Variants in PGCKA1 observed in about 807,000 individuals in gnomAD.
PGCKA1 encodes the protein PDCD10 and GCKIII kinases associated 1, also known as PDCD10 and GCKIII kinases-associated protein 1.
At chr4:37,503,306 C>G in the PGCKA1 span, among the ~76,000 whole-genome samples, 1 of 152,200 alleles carries the variant, frequency 6.6e-6, no homozygotes, top group Admixed American at 6.5e-5. Context: ...CTTCCTCCCA[C>G]CTCAGCTTGG....
At chr4:37,532,101 G>A in the PGCKA1 span, among the ~76,000 whole-genome samples, 2 of 152,006 alleles carry the variant, frequency 1.3e-5, no homozygotes, top group Non-Finnish European at 2.9e-5. Context: ...GCTATGGCAG[G>A]AGCATTTACA....
At chr4:37,495,413 A>G in the PGCKA1 span, among the ~76,000 whole-genome samples, 1 of 152,220 alleles carries the variant, frequency 6.6e-6, no homozygotes, top group African/African-American at 2.4e-5. Context: ...AAATCATTCT[A>G]TAAATACACA....
the PGCKA1 span, among the ~76,000 whole-genome samples, chr4:37,547,422 A>G: frequency 6.6e-6 from 1 of 152,130 alleles, no homozygotes; most frequent in Non-Finnish European, 1.5e-5. Flanking sequence ...ATTTTGTCTC[A>G]AAGAAGCATA....
At chr4:37,459,111 T>C in the PGCKA1 span, among the ~76,000 whole-genome samples, 1 of 152,108 alleles carries the variant, frequency 6.6e-6, no homozygotes, top group Non-Finnish European at 1.5e-5. Flanking sequence ...GGTGGTGGTA[T>C]TACTAAGTAT....
At chr4:37,540,704 G>GTTGCAAAGC in the PGCKA1 span, among the ~76,000 whole-genome samples, 3 of 151,994 alleles carry the variant, frequency 2.0e-5, no homozygotes, top group East Asian at 1.9e-4. Flanking sequence ...CAAGGAAGAT[G>GTTGCAAAGC]TTGCAAAGCT....
chr4:37,578,961 G>A, the PGCKA1 span, among the ~76,000 whole-genome samples: 9 of 152,158 alleles, frequency 5.9e-5, no homozygotes, highest in Admixed American at 3.9e-4. Flanking sequence ...GGGAGGCTGA[G>A]GCAGGAGAAT....
the PGCKA1 span, among the ~76,000 whole-genome samples, chr4:37,561,663 C>G: frequency 6.6e-6 from 1 of 152,202 alleles, no homozygotes; most frequent in Non-Finnish European, 1.5e-5. Context: ...CTGCAGTCGA[C>G]AATCATAATT....
the PGCKA1 span, among the ~76,000 whole-genome samples, chr4:37,478,639 A>G: frequency 1.3e-5 from 2 of 152,180 alleles, no homozygotes; most frequent in South Asian, 4.1e-4. Flanking sequence ...GTGCCTTTTA[A>G]AATTATTTTC....
At chr4:37,526,788 A>C in the PGCKA1 span, among the ~76,000 whole-genome samples, 1 of 152,182 alleles carries the variant, frequency 6.6e-6, no homozygotes, top group South Asian at 2.1e-4. Flanking sequence ...AATGATCATA[A>C]ATGTCTGTGT....
chr4:37,592,850 A>C, the PGCKA1 span, among the ~76,000 whole-genome samples: 2 of 152,264 alleles, frequency 1.3e-5, no homozygotes, highest in Non-Finnish European at 2.9e-5. Flanking sequence ...AGTTGAAAAC[A>C]ATTCCTTTAA....
the PGCKA1 span, among the ~76,000 whole-genome samples, chr4:37,466,408 A>G: frequency 2.0e-5 from 3 of 152,250 alleles, no homozygotes; most frequent in Non-Finnish European, 2.9e-5. Context: ...CTACGCTGAC[A>G]TACCATAAAT....
chr4:37,523,928 G>C, the PGCKA1 span, among the ~76,000 whole-genome samples: 1 of 152,136 alleles, frequency 6.6e-6, no homozygotes, highest in Admixed American at 6.5e-5. Context: ...GAACTTCACT[G>C]TCATGACCTA....
At chr4:37,586,391 G>A in the PGCKA1 span, among the ~76,000 whole-genome samples, 1 of 152,176 alleles carries the variant, frequency 6.6e-6, no homozygotes, top group South Asian at 2.1e-4. Flanking sequence ...TGTACCAGGT[G>A]CTGTCCTAAG....
chr4:37,509,567 C>T, the PGCKA1 span, among the ~76,000 whole-genome samples: 10,193 of 151,576 alleles, frequency 0.067, 1,193 homozygotes, highest in African/African-American at 0.23. Context: ...GGGTGGCGGC[C>T]GGGCAGAGGC....
the PGCKA1 span, among the ~76,000 whole-genome samples, chr4:37,524,019 G>C: frequency 6.6e-6 from 1 of 152,188 alleles, no homozygotes; most frequent in South Asian, 2.1e-4. Context: ...ATACAAATCT[G>C]TCCATAGCAT....
chr4:37,486,918 T>C, the PGCKA1 span, among the ~76,000 whole-genome samples: 1 of 152,192 alleles, frequency 6.6e-6, no homozygotes, highest in East Asian at 1.9e-4. Context: ...TGCCTGGAAG[T>C]TCTGAAAACG....
At chr4:37,494,982 G>A in the PGCKA1 span, among the ~76,000 whole-genome samples, 2 of 150,888 alleles carry the variant, frequency 1.3e-5, no homozygotes, top group African/African-American at 4.9e-5. Context: ...GCAATCTATC[G>A]ATCTGACAAA....
At chr4:37,511,844 G>T in the PGCKA1 span, among the ~76,000 whole-genome samples, 2 of 152,218 alleles carry the variant, frequency 1.3e-5, no homozygotes, top group Non-Finnish European at 2.9e-5. Flanking sequence ...CTCCTAAAGA[G>T]AAGCAGTCTA....
the PGCKA1 span, among the ~76,000 whole-genome samples, chr4:37,555,360 G>A: frequency 2.0e-5 from 3 of 152,178 alleles, no homozygotes. Flanking sequence ...ACAAAAACAA[G>A]AATTATGTGA....
Sources: gnomAD v4.1 joint callset for allele counts (sites outside exome capture counted in the v4.1 genomes callset) on GRCh38, gnomAD v4.1.1 for gene constraint, MANE v1.5 for transcripts, NCBI Gene and HGNC (gene_info 2026-07-23, HGNC 2026-07-21) for gene names.